Variants in HS3ST2 observed in about 807,000 individuals in gnomAD.
HS3ST2 encodes heparan sulfate glucosamine 3-O-sulfotransferase 2.
In HS3ST2, 17 loss-of-function variants were observed where a neutral mutation model predicts 26.3. That is an observed-to-expected ratio of 0.65 (90% CI 0.44 to 0.97). HS3ST2 has a LOEUF of 0.97. Among genes scored for constraint, HS3ST2 ranks in the 50% least tolerant of loss-of-function variants. The pLI, the probability that HS3ST2 is intolerant of heterozygous loss-of-function variation, is 0.00. For synonymous variants in HS3ST2, 237 were observed against 219.2 expected (o/e 1.08, Z -0.72); for missense variants, 402 against 501.2 (o/e 0.80, Z 1.89).
At chr16:22,817,977 C>CA (rs1454395304) in intron 1 of HS3ST2, among the ~76,000 whole-genome samples, 1 of 152,208 alleles carries the variant, frequency 6.6e-6, no homozygotes, top group Non-Finnish European at 1.5e-5. Flanking sequence ...GACCAGGAGA[C>CA]AGAGTCTGCA....
intron 1 of HS3ST2, among the ~76,000 whole-genome samples, chr16:22,866,451 A>C (rs749040916): frequency 6.6e-6 from 1 of 151,438 alleles, no homozygotes; most frequent in Non-Finnish European, 1.5e-5. Flanking sequence ...CAAAATGTTA[A>C]ATATTTGAAT....
intron 1 of HS3ST2, among the ~76,000 whole-genome samples, chr16:22,912,937 C>G (rs1253047892): frequency 6.6e-6 from 1 of 151,982 alleles, no homozygotes; most frequent in African/African-American, 2.4e-5. Context: ...GCCCTGCCTC[C>G]GGAGTCTAGA....
At chr16:22,835,672 A>G (rs1901244349) in intron 1 of HS3ST2, among the ~76,000 whole-genome samples, 1 of 152,204 alleles carries the variant, frequency 6.6e-6, no homozygotes, top group Non-Finnish European at 1.5e-5. Context: ...GAAGTCTTAC[A>G]AATCACAAAA....
At chr16:22,893,634 C>CTTTTTTTTTTTTTTTTTTTTTTTTTTT (rs56664558) in intron 1 of HS3ST2, among the ~76,000 whole-genome samples, 1 of 130,272 alleles carries the variant, frequency 7.7e-6, no homozygotes, top group Non-Finnish European at 1.6e-5. Flanking sequence ...TTTTTCTTTT[C>CTTTTTTTTTTTTTTTTTTTTTTTTTTT]TTTTTTTTTT....
chr16:22,849,803 AC>A (rs1302674014), intron 1 of HS3ST2, among the ~76,000 whole-genome samples: 1 of 152,144 alleles, frequency 6.6e-6, no homozygotes, highest in African/African-American at 2.4e-5. Flanking sequence ...CTTGGCTTCT[AC>A]TCGATAACCT....
chr16:22,832,603 G>T (rs1303651006), intron 1 of HS3ST2, among the ~76,000 whole-genome samples: 1 of 152,012 alleles, frequency 6.6e-6, no homozygotes, highest in African/African-American at 2.4e-5. Flanking sequence ...CAGCATAGAT[G>T]TCCAACCAGG....
At chr16:22,859,114 T>C (rs1901641956) in intron 1 of HS3ST2, among the ~76,000 whole-genome samples, 1 of 152,194 alleles carries the variant, frequency 6.6e-6, no homozygotes, top group African/African-American at 2.4e-5. Context: ...TGTAGTGAGC[T>C]ATGATCGTGC....
At chr16:22,817,548 C>G (rs1402833935) in intron 1 of HS3ST2, among the ~76,000 whole-genome samples, 2 of 152,170 alleles carry the variant, frequency 1.3e-5, no homozygotes, top group East Asian at 3.8e-4. Flanking sequence ...CTGCAGAAAT[C>G]ATGGGGATTT....
At chr16:22,826,483 A>T (rs537752499) in intron 1 of HS3ST2, among the ~76,000 whole-genome samples, 1 of 151,970 alleles carries the variant, frequency 6.6e-6, no homozygotes, top group East Asian at 1.9e-4. Flanking sequence ...TGCTTTATTT[A>T]CTTCTTACTT....
intron 1 of HS3ST2, among the ~76,000 whole-genome samples, chr16:22,829,796 T>C (rs1217366156): frequency 6.6e-6 from 1 of 152,198 alleles, no homozygotes; most frequent in Non-Finnish European, 1.5e-5. Flanking sequence ...GCTGTAGTGA[T>C]TCAATGTGAT....
At chr16:22,879,548 C>T (rs755229959) in intron 1 of HS3ST2, among the ~76,000 whole-genome samples, 3 of 152,122 alleles carry the variant, frequency 2.0e-5, no homozygotes, top group African/African-American at 4.8e-5. Flanking sequence ...CCTCAGGGAT[C>T]GGACACTGAG....
chr16:22,839,042 C>G (rs887079920), intron 1 of HS3ST2, among the ~76,000 whole-genome samples: 1 of 152,198 alleles, frequency 6.6e-6, no homozygotes, highest in African/African-American at 2.4e-5. Context: ...TGGTGCATAT[C>G]CCTGCATTGC....
chr16:22,847,660 A>G (rs969160293), intron 1 of HS3ST2, among the ~76,000 whole-genome samples: 1 of 152,030 alleles, frequency 6.6e-6, no homozygotes, highest in Non-Finnish European at 1.5e-5. Context: ...GTTAATACAT[A>G]TATTTTTTAA....
intron 1 of HS3ST2, among the ~76,000 whole-genome samples, chr16:22,892,817 A>G (rs539504993): frequency 1.1e-4 from 17 of 152,298 alleles, no homozygotes; most frequent in Admixed American, 1.0e-3. Context: ...TCCATCCCCC[A>G]CGGCTCTTCA....
In HS3ST2 at chr16:22,908,461, T is replaced by G. The variant is rs77115304; in HGVS notation, c.486-6483T>G. On this transcript the variant is annotated intron_variant, in intron 1 of 1. Coordinates refer to ENST00000261374, the MANE Select transcript of HS3ST2 (RefSeq NM_006043.2). Reference sequence around the variant, plus strand: ...TTGCTCATAACAGATTACCTGAAACTGGATAATTTATAAAGAAAATGAATT... The same window carrying G: ...TTGCTCATAACAGATTACCTGAAACGGGATAATTTATAAAGAAAATGAATT... Among the ~76,000 whole-genome samples, 1,051 of 152,274 alleles carry G rather than the reference T, an allele frequency of 6.9e-3. 66 individuals carry two copies. The East Asian group carries it at 0.15, about 22-fold the overall frequency.
At chr16:22,878,114 C>A (rs1901943339) in intron 1 of HS3ST2, among the ~76,000 whole-genome samples, 1 of 152,168 alleles carries the variant, frequency 6.6e-6, no homozygotes. Context: ...CAACTAGTAC[C>A]AGATCTGGAA....
intron 1 of HS3ST2, among the ~76,000 whole-genome samples, chr16:22,895,290 A>T (rs1902195154): frequency 6.6e-6 from 1 of 152,026 alleles, no homozygotes; most frequent in African/African-American, 2.4e-5. Context: ...GGGTTTCGCC[A>T]TGTTGGCCAG....
At chr16:22,889,367 A>G (rs1453710426) in intron 1 of HS3ST2, among the ~76,000 whole-genome samples, 1 of 152,206 alleles carries the variant, frequency 6.6e-6, no homozygotes, top group Admixed American at 6.5e-5. Context: ...TTATTTAATC[A>G]TATAAGTCAT....
intron 1 of HS3ST2, among the ~76,000 whole-genome samples, chr16:22,837,467 A>G (rs1190652646): frequency 2.7e-5 from 4 of 146,504 alleles, no homozygotes; most frequent in African/African-American, 7.9e-5. Flanking sequence ...AACCCTATAT[A>G]TAATGTTTTT....
Sources: allele counts gnomAD v4.1 joint callset (sites outside exome capture counted in the v4.1 genomes callset), GRCh38; gene constraint gnomAD v4.1.1; transcripts MANE v1.5; gene names NCBI Gene and HGNC (gene_info 2026-07-23, HGNC 2026-07-21).